The following HNRNPM variants were observed in gnomAD, a reference collection of about 807,000 sequenced individuals.
HNRNPM encodes heterogeneous nuclear ribonucleoprotein M, also known as CEA receptor.
In HNRNPM, 11 loss-of-function variants were observed where a neutral mutation model predicts 73.1. That is an observed-to-expected ratio of 0.15 (90% CI 0.09 to 0.25). HNRNPM has a LOEUF of 0.25. Ranked by LOEUF, HNRNPM falls within the 10% of genes least tolerant of loss-of-function variation. HNRNPM has a pLI of 1.00. For missense variants in HNRNPM, 789 were observed against 1,067.9 expected, an observed-to-expected ratio of 0.74 and a Z score of 3.64; for synonymous variants, 407 against 355.2, an observed-to-expected ratio of 1.15 and a Z score of -1.64.
At chr19:8,448,330 A>G (rs1038285256) in intron 1 of HNRNPM, among the ~76,000 whole-genome samples, 2 of 152,144 alleles carry the variant, frequency 1.3e-5, no homozygotes, top group East Asian at 1.9e-4. Flanking sequence ...GTCTGTTCCA[A>G]TTAAAGTCAG....
intron 1 of HNRNPM, among the ~76,000 whole-genome samples, chr19:8,450,971 A>G (rs1042340367): frequency 1.3e-5 from 2 of 151,872 alleles, no homozygotes; most frequent in African/African-American, 4.8e-5. Context: ...CAATGGCATA[A>G]TCTCGGCTCA....
At chr19:8,484,021 A>T (rs189892581) in intron 13 of HNRNPM, among the ~76,000 whole-genome samples, 1 of 152,210 alleles carries the variant, frequency 6.6e-6, no homozygotes, top group East Asian at 1.9e-4. Flanking sequence ...GCATACCTCC[A>T]GAGTGCTGGG....
At chr19:8,468,880 A>G (rs762762595) in intron 9 of HNRNPM, 46 bp downstream of exon 9, 2 of 1,436,536 alleles carry the variant, frequency 1.4e-6, no homozygotes, top group East Asian at 2.3e-5. Flanking sequence ...TTGGAGTTAC[A>G]CTAATAAACA....
At chr19:8,448,370 GA>G (rs529930231) in intron 1 of HNRNPM, among the ~76,000 whole-genome samples, 40 of 151,190 alleles carry the variant, frequency 2.6e-4, no homozygotes, top group Non-Finnish European at 5.0e-4. Context: ...TATAGTCAGG[GA>G]AAAAAAAGTT....
chr19:8,484,153 G>A (rs1971106058), intron 13 of HNRNPM, among the ~76,000 whole-genome samples: 1 of 149,434 alleles, frequency 6.7e-6, no homozygotes, highest in African/African-American at 2.5e-5. Context: ...GCTCCACGCT[G>A]GTACCATTTC....
intron 1 of HNRNPM, among the ~76,000 whole-genome samples, chr19:8,454,893 G>A (rs1319835448): frequency 6.6e-6 from 1 of 152,114 alleles, no homozygotes; most frequent in African/African-American, 2.4e-5. Flanking sequence ...GTGAGCCCAG[G>A]AAGGTGTACC....
At chr19:8,477,880 G>A (rs1048358245) in intron 12 of HNRNPM, among the ~76,000 whole-genome samples, 1 of 152,152 alleles carries the variant, frequency 6.6e-6, no homozygotes. Context: ...CCCAGCCTTT[G>A]CCTCACCTCT....
At position 8,467,846 on chromosome 19, in the gene HNRNPM, G is replaced by A. The variant is rs1969861500; in HGVS notation, c.834+262G>A. 2.0e-5 allele frequency among the ~76,000 whole-genome samples: 3 copies of A among 152,138 alleles called. No individual in the cohort carries two copies. The South Asian group carries it at 6.2e-4, about 32-fold the overall frequency. ...TCGACACCAGCCTGACCAACGTGGTGGAACTCCTCCGTCTCTACTAAAAAT... is the reference window on the plus strand; with the variant it reads ...TCGACACCAGCCTGACCAACGTGGTAGAACTCCTCCGTCTCTACTAAAAAT... On this transcript the variant is annotated intron_variant, in intron 8 of 15. Coordinates refer to ENST00000325495, the MANE Select transcript of HNRNPM (RefSeq NM_005968.5).
At chr19:8,488,547 T>A (rs576053024) in intron 15 of HNRNPM, 144 bp from the exon 16 acceptor site, 10 of 620,054 alleles carry the variant, frequency 1.6e-5, no homozygotes, top group Admixed American at 9.5e-5. Flanking sequence ...GCAGTGTGGC[T>A]GAGGGGGCCG....
chr19:8,467,479 A>G (rs1399329076), intron 7 of HNRNPM, 56 bp from the exon 8 acceptor site: 2 of 1,329,954 alleles, frequency 1.5e-6, no homozygotes, highest in African/African-American at 2.9e-5. Flanking sequence ...TTCTTTTTGT[A>G]TTTCTCTTGT....
intron 1 of HNRNPM, among the ~76,000 whole-genome samples, chr19:8,453,006 AATT>A (rs921123058): frequency 2.2e-4 from 34 of 152,076 alleles, no homozygotes; most frequent in Middle Eastern, 3.4e-3. Context: ...ACACTCAGAT[AATT>A]ATTATTATTT....
chr19:8,466,410 A>G (rs376839717), intron 7 of HNRNPM, 22 bp downstream of exon 7: 146 of 1,612,884 alleles, frequency 9.1e-5, no homozygotes, highest in Non-Finnish European at 1.1e-4. Context: ...CAGGAATTCA[A>G]CTTATGAACA....
chr19:8,467,975 C>T (rs879613568), intron 8 of HNRNPM, among the ~76,000 whole-genome samples: 3 of 151,866 alleles, frequency 2.0e-5, no homozygotes, highest in South Asian at 2.1e-4. Context: ...TGCAGTGAGC[C>T]GAGATCGTGC....
At chr19:8,474,315 C>T (rs994830286) in intron 12 of HNRNPM, 71 bp downstream of exon 12, 2 of 1,003,676 alleles carry the variant, frequency 2.0e-6, no homozygotes, top group Admixed American at 5.5e-5. Flanking sequence ...GACTTTTAGG[C>T]TGCAGACCCA....
intron 1 of HNRNPM, among the ~76,000 whole-genome samples, chr19:8,453,300 C>T (rs1968759292): frequency 6.6e-6 from 1 of 152,080 alleles, no homozygotes; most frequent in African/African-American, 2.4e-5. Context: ...GCCACCACGC[C>T]CAGCTAATTT....
At chr19:8,445,780 C>T (rs1968127310) in intron 1 of HNRNPM, among the ~76,000 whole-genome samples, 1 of 152,248 alleles carries the variant, frequency 6.6e-6, no homozygotes, top group Non-Finnish European at 1.5e-5. Context: ...CCCGGGTGCG[C>T]CGCAGGTATT....
In HNRNPM at chr19:8,455,346, C is replaced by G; in HGVS notation, c.114-59C>G. The G allele has an allele frequency of 7.2e-6, 10 of 1,388,452 alleles. No individual in the cohort carries two copies. In the South Asian group the frequency reaches 1.3e-4, roughly 18 times the overall value. 86.0% of individuals were successfully genotyped at this position (1,388,452 alleles called of 1,614,324 possible). A position where few individuals can be genotyped will look rare whatever the true frequency, so the allele number is the denominator to read the frequency against. On this transcript the variant is annotated intron_variant, in intron 1 of 15. Transcript: ENST00000325495. ...TAAACCTGGCAAATCAAATAATTAT[C>G]TTTCACATTGTGCTGACATATAAAC...
In HNRNPM at chr19:8,483,238, G is replaced by GT. The variant is rs142155944; in HGVS notation, c.1174+34dup. ...TAGGAACCGCTTAGTTTGATGTTTT[G>GT]TTTTTTTAGAACAGGCTGTTATCGC... is the stretch of plus-strand genomic sequence containing the variant. On this transcript the variant is annotated intron_variant, in intron 13 of 15. Coordinates refer to ENST00000325495, the MANE Select transcript of HNRNPM (RefSeq NM_005968.5). 223 of 1,588,848 alleles carry GT rather than the reference G, an allele frequency of 1.4e-4. 1 individual carries two copies. In the African/African-American group the frequency reaches 2.7e-3, roughly 19 times the overall value.
At chr19:8,471,545 C>G in intron 10 of HNRNPM, 118 bp downstream of exon 10, 1 of 477,122 alleles carries the variant, frequency 2.1e-6, no homozygotes, top group South Asian at 3.9e-5. Flanking sequence ...ACAAAATTCC[C>G]TCCTTATTCA....
Sources: gnomAD v4.1 joint callset for allele counts (sites outside exome capture counted in the v4.1 genomes callset) on GRCh38, gnomAD v4.1.1 for gene constraint, MANE v1.5 for transcripts, NCBI Gene and HGNC (gene_info 2026-07-23, HGNC 2026-07-21) for gene names.